Variants in VDAC1 observed in about 807,000 individuals in gnomAD.
VDAC1 encodes non-selective voltage-gated ion channel VDAC1.
VDAC1 carries 10 observed loss-of-function variants against 34.7 expected under a neutral mutation model. The ratio of observed to expected loss-of-function variants is 0.29; its 90% CI spans 0.18 to 0.49. The LOEUF (loss-of-function observed/expected upper bound fraction) is 0.49, where lower values mean the gene tolerates loss of function less well. Ranked by LOEUF, VDAC1 falls within the 20% of genes least tolerant of loss-of-function variation. VDAC1 has a pLI of 0.99. For synonymous variants in VDAC1, 130 were observed against 136.0 expected (o/e 0.96, Z 0.30); for missense variants, 230 against 347.9 (o/e 0.66, Z 2.69).
At chr5:134,053,820 G>C in the VDAC1 span, among the ~76,000 whole-genome samples, 1 of 152,172 alleles carries the variant, frequency 6.6e-6, no homozygotes, top group African/African-American at 2.4e-5. Flanking sequence ...GTCAGAAACA[G>C]GGCTTCTTTC....
chr5:134,014,486 T>G, the VDAC1 span, among the ~76,000 whole-genome samples: 2 of 152,194 alleles, frequency 1.3e-5, no homozygotes, highest in Admixed American at 1.3e-4. Context: ...ACACTGCTGG[T>G]GGGAATGTAA....
chr5:133,986,273 G>A (rs1174612562), intron 5 of VDAC1, among the ~76,000 whole-genome samples: 1 of 152,106 alleles, frequency 6.6e-6, no homozygotes, highest in Non-Finnish European at 1.5e-5. Context: ...GGAGCCAGGT[G>A]TTTTCCCAGG....
At chr5:134,108,464 C>T in the VDAC1 span, among the ~76,000 whole-genome samples, 1 of 152,162 alleles carries the variant, frequency 6.6e-6, no homozygotes. Context: ...GGTACAGGTC[C>T]TCTTCAAATT....
At chr5:134,042,550 G>T in the VDAC1 span, among the ~76,000 whole-genome samples, 4 of 152,138 alleles carry the variant, frequency 2.6e-5, no homozygotes, top group African/African-American at 9.7e-5. Flanking sequence ...CCAGAGTGCA[G>T]TGGTGCAATC....
At chr5:134,011,240 C>T in the VDAC1 span, among the ~76,000 whole-genome samples, 1 of 152,060 alleles carries the variant, frequency 6.6e-6, no homozygotes, top group African/African-American at 2.4e-5. Context: ...CTCAGGCAGT[C>T]TGCCTGCCTC....
chr5:134,006,881 G>C (rs1753764904), upstream of VDAC1, among the ~76,000 whole-genome samples: 1 of 152,050 alleles, frequency 6.6e-6, no homozygotes, highest in African/African-American at 2.4e-5. Context: ...CGTGACCCAG[G>C]CAAGAAGGCT....
At chr5:134,094,148 C>T in the VDAC1 span, among the ~76,000 whole-genome samples, 2 of 152,362 alleles carry the variant, frequency 1.3e-5, no homozygotes, top group Admixed American at 6.5e-5. Flanking sequence ...CAGGCTTGAG[C>T]ACTGCCTCAT....
the VDAC1 span, among the ~76,000 whole-genome samples, chr5:134,092,117 A>G: frequency 2.0e-5 from 3 of 152,270 alleles, no homozygotes; most frequent in East Asian, 5.8e-4. Flanking sequence ...ATTGTGATTA[A>G]CTCACATAGT....
At position 133,972,501 on chromosome 5, in the gene VDAC1, C is replaced by T. The variant is rs1752336695; in HGVS notation, c.*270G>A. ...CCTACATATTATCCGCTTCCACTTGCAGCCATTTCTAGATAAAAAAGAAAC... is the reference window on the plus strand; with the variant it reads ...CCTACATATTATCCGCTTCCACTTGTAGCCATTTCTAGATAAAAAAGAAAC... On this transcript the variant is annotated 3_prime_UTR_variant, in exon 9 of 9. Coordinates refer to ENST00000265333, the MANE Select transcript of VDAC1 (RefSeq NM_003374.3). The T allele has an allele frequency of 1.1e-5, 5 of 463,628 alleles. No homozygotes were observed. The highest frequency in any genetic ancestry group is 1.9e-5 in the Non-Finnish European group (5 of 264,902). 28.7% of individuals were successfully genotyped at this position (463,628 alleles called of 1,614,324 possible). A position where few individuals can be genotyped will look rare whatever the true frequency, so the allele number is the denominator to read the frequency against.
At chr5:134,066,974 A>C in the VDAC1 span, among the ~76,000 whole-genome samples, 1 of 152,078 alleles carries the variant, frequency 6.6e-6, no homozygotes, top group Non-Finnish European at 1.5e-5. Context: ...TTAAGTAATA[A>C]ATTTTGCCAC....
At chr5:134,033,227 G>A in the VDAC1 span, among the ~76,000 whole-genome samples, 1 of 147,244 alleles carries the variant, frequency 6.8e-6, no homozygotes, top group African/African-American at 2.5e-5. Context: ...GCGTGATGTC[G>A]GCTCACTGCA....
chr5:133,998,747 G>A (rs1335365030), intron 1 of VDAC1, among the ~76,000 whole-genome samples: 1 of 152,252 alleles, frequency 6.6e-6, no homozygotes, highest in Non-Finnish European at 1.5e-5. Context: ...GTGACCACTA[G>A]TGGCTTGGCC....
chr5:134,085,186 A>T, the VDAC1 span, among the ~76,000 whole-genome samples: 2 of 151,246 alleles, frequency 1.3e-5, no homozygotes, highest in Non-Finnish European at 2.9e-5. Flanking sequence ...CCCCTGCCTC[A>T]GCCTCCCGAG....
At chr5:134,033,743 AC>A in the VDAC1 span, among the ~76,000 whole-genome samples, 1 of 151,634 alleles carries the variant, frequency 6.6e-6, no homozygotes, top group Non-Finnish European at 1.5e-5. Context: ...CTGTAATCCC[AC>A]CACTTTGGGA....
chr5:134,034,946 GA>G, the VDAC1 span, among the ~76,000 whole-genome samples: 9 of 152,174 alleles, frequency 5.9e-5, no homozygotes, highest in African/African-American at 1.7e-4. Context: ...TAGATGGAGA[GA>G]GGGGGGACAT....
chr5:134,092,729 T>C, the VDAC1 span, among the ~76,000 whole-genome samples: 1 of 151,250 alleles, frequency 6.6e-6, no homozygotes, highest in Non-Finnish European at 1.5e-5. Flanking sequence ...CTGACACTGA[T>C]TCTGGAACCA....
chr5:133,983,388 T>C (rs894499337), intron 5 of VDAC1, among the ~76,000 whole-genome samples: 2 of 152,178 alleles, frequency 1.3e-5, no homozygotes, highest in Non-Finnish European at 2.9e-5. Flanking sequence ...AGTGTTGTTA[T>C]TTACTTAAAA....
chr5:134,096,411 G>A, the VDAC1 span, among the ~76,000 whole-genome samples: 6 of 152,292 alleles, frequency 3.9e-5, no homozygotes, highest in African/African-American at 7.2e-5. Context: ...GAGCAGCCCC[G>A]GCTGCAGGAT....
chr5:134,035,023 C>T, the VDAC1 span, among the ~76,000 whole-genome samples: 2 of 151,886 alleles, frequency 1.3e-5, no homozygotes, highest in Non-Finnish European at 2.9e-5. Flanking sequence ...CTCTGTCCAC[C>T]GAGAGGGCCT....
Sources: gnomAD v4.1 joint callset for allele counts (sites outside exome capture counted in the v4.1 genomes callset) on GRCh38, gnomAD v4.1.1 for gene constraint, MANE v1.5 for transcripts, NCBI Gene and HGNC (gene_info 2026-07-23, HGNC 2026-07-21) for gene names.